MPPED2: variants seen among roughly 807,000 people sequenced by gnomAD.
MPPED2 encodes metallophosphoesterase domain containing 2.
A neutral mutation model predicts 33.0 loss-of-function variants in MPPED2; 5 were observed. The ratio of observed to expected loss-of-function variants is 0.15; its 90% confidence interval spans 0.08 to 0.32. The LOEUF (loss-of-function observed/expected upper bound fraction) is 0.32, where lower values mean the gene tolerates loss of function less well. Ranked by LOEUF, MPPED2 falls within the 10% of genes least tolerant of loss-of-function variation. The probability of loss-of-function intolerance (pLI) is 1.00; values close to 1 mark genes in which losing one functional copy is unlikely to be tolerated. For missense variants in MPPED2, 275 were observed against 372.1 expected (o/e 0.74, Z 2.15); for synonymous variants, 136 against 141.9 (o/e 0.96, Z 0.29).
intron 4 of MPPED2, among the ~76,000 whole-genome samples, chr11:30,434,234 C>T (rs1949217354): frequency 1.3e-5 from 2 of 152,200 alleles, no homozygotes; most frequent in Non-Finnish European, 2.9e-5. Context: ...GGTCATTATG[C>T]TGCCTACCAC....
At chr11:30,542,627 TA>T (rs1036245822) in intron 2 of MPPED2, among the ~76,000 whole-genome samples, 15 of 151,818 alleles carry the variant, frequency 9.9e-5, no homozygotes, top group Non-Finnish European at 1.8e-4. Flanking sequence ...AAGACCATCT[TA>T]AAAAAATAAA....
intron 2 of MPPED2, among the ~76,000 whole-genome samples, chr11:30,563,423 G>A (rs1373041104): frequency 6.6e-6 from 1 of 152,162 alleles, no homozygotes; most frequent in Admixed American, 6.5e-5. Flanking sequence ...GACAGGAGGT[G>A]GAAGTCAGGC....
At chr11:30,526,884 T>C (rs75231088) in intron 3 of MPPED2, among the ~76,000 whole-genome samples, 2,617 of 152,026 alleles carry the variant, frequency 0.017, 66 homozygotes, top group African/African-American at 0.06. Flanking sequence ...CAATCTCTAT[T>C]TTCTATTTTT....
intron 2 of MPPED2, among the ~76,000 whole-genome samples, chr11:30,560,312 TA>T (rs569768584): frequency 0.012 from 1,797 of 149,458 alleles, 35 homozygotes; most frequent in African/African-American, 0.038. Context: ...GTTTTTTTTT[TA>T]AAAAAAAAAA....
intron 4 of MPPED2, among the ~76,000 whole-genome samples, chr11:30,488,050 A>T (rs1388615800): frequency 1.3e-5 from 2 of 152,172 alleles, no homozygotes; most frequent in African/African-American, 4.8e-5. Context: ...GGAAGCCTGG[A>T]TTCTAGTCCT....
At chr11:30,484,303 C>A (rs1282982076) in intron 4 of MPPED2, among the ~76,000 whole-genome samples, 1 of 152,090 alleles carries the variant, frequency 6.6e-6, no homozygotes, top group East Asian at 1.9e-4. Context: ...ATACCAGGTA[C>A]TTCTCATTGC....
intron 4 of MPPED2, among the ~76,000 whole-genome samples, chr11:30,476,947 T>C (rs970047469): frequency 5.3e-5 from 8 of 152,114 alleles, no homozygotes; most frequent in African/African-American, 1.9e-4. Context: ...ATATCTTTTG[T>C]TATATTTGCT....
intron 3 of MPPED2, among the ~76,000 whole-genome samples, chr11:30,509,422 A>T (rs928036131): frequency 2.6e-5 from 4 of 152,170 alleles, no homozygotes; most frequent in African/African-American, 9.7e-5. Flanking sequence ...TAATCAATAG[A>T]TGGAGTTAAT....
intron 4 of MPPED2, among the ~76,000 whole-genome samples, chr11:30,488,211 A>G (rs2134165466): frequency 6.6e-6 from 1 of 152,336 alleles, no homozygotes; most frequent in Non-Finnish European, 1.5e-5. Context: ...TATTATTAGT[A>G]ATACATACCC....
chr11:30,487,631 C>T (rs1951799195), intron 4 of MPPED2, among the ~76,000 whole-genome samples: 1 of 151,950 alleles, frequency 6.6e-6, no homozygotes, highest in African/African-American at 2.4e-5. Context: ...CAAGCACATA[C>T]CATGCCTGGC....
intron 2 of MPPED2, among the ~76,000 whole-genome samples, chr11:30,571,424 C>G (rs546202418): frequency 1.3e-5 from 2 of 152,166 alleles, no homozygotes; most frequent in East Asian, 3.9e-4. Context: ...AGAGTTTCCT[C>G]TTTGCAGAGT....
At chr11:30,566,910 G>T in intron 2 of MPPED2, among the ~76,000 whole-genome samples, 1 of 152,100 alleles carries the variant, frequency 6.6e-6, no homozygotes, top group Non-Finnish European at 1.5e-5. Flanking sequence ...CAGAGAGAAG[G>T]ACAGGGGCTC....
chr11:30,387,005 T>C (rs12799529), exon 7 of MPPED2: 76,061 of 374,702 alleles, frequency 0.2, 8,587 homozygotes, highest in Non-Finnish European at 0.24. Flanking sequence ...CAAGGCCACA[T>C]AGTTAGTAGT....
chr11:30,521,691 C>G (rs1003981133), intron 3 of MPPED2, among the ~76,000 whole-genome samples: 25 of 152,320 alleles, frequency 1.6e-4, no homozygotes, highest in Admixed American at 1.0e-3. Context: ...TATCTTCTGA[C>G]CTTTGCCAGT....
At chr11:30,417,121 C>T (rs1948401706) in intron 5 of MPPED2, among the ~76,000 whole-genome samples, 1 of 152,152 alleles carries the variant, frequency 6.6e-6, no homozygotes, top group South Asian at 2.1e-4. Context: ...AAATGAGCTC[C>T]TTTGAATAAA....
At chr11:30,430,527 C>A (rs558785987) in intron 4 of MPPED2, among the ~76,000 whole-genome samples, 2 of 152,106 alleles carry the variant, frequency 1.3e-5, no homozygotes, top group Non-Finnish European at 2.9e-5. Context: ...ATATTCATAT[C>A]GGAAAATGCT....
intron 3 of MPPED2, among the ~76,000 whole-genome samples, chr11:30,499,231 C>T: frequency 6.6e-6 from 1 of 152,112 alleles, no homozygotes; most frequent in Admixed American, 6.6e-5. Context: ...TTTCCCATCA[C>T]ACCATCTGTT....
intron 3 of MPPED2, among the ~76,000 whole-genome samples, chr11:30,523,879 GAC>G: frequency 6.6e-6 from 1 of 152,136 alleles, no homozygotes; most frequent in East Asian, 1.9e-4. Flanking sequence ...AGCAGAAATT[GAC>G]AGACTGAAGA....
chr11:30,536,223 C>T lies in MPPED2; in HGVS notation c.129-48G>A, dbSNP rs749048571. 2.1e-6 allele frequency: 3 copies of T among 1,430,222 alleles called. No individual in the cohort carries two copies. In the East Asian group the frequency reaches 7.4e-5, roughly 35 times the overall value. The allele number at this position is 1,430,222 out of a possible 1,614,324, so 88.6% of individuals were successfully genotyped here. ...CATAACAGTTAAACATATTAGAACC[C>T]TTGAAATTGTCGTCGCACATACATA... On this transcript the variant is annotated intron_variant, in intron 2 of 6. Coordinates refer to ENST00000358117, the MANE Select transcript of MPPED2 (RefSeq NM_001584.3).
Sources: gnomAD v4.1 joint callset for allele counts (sites outside exome capture counted in the v4.1 genomes callset) on GRCh38, gnomAD v4.1.1 for gene constraint, MANE v1.5 for transcripts, NCBI Gene and HGNC (gene_info 2026-07-23, HGNC 2026-07-21) for gene names.